The following SORCS1 variants were observed in gnomAD, a reference collection of about 807,000 sequenced individuals.
SORCS1 encodes sortilin related VPS10 domain containing receptor 1, also known as VPS10 domain-containing receptor SorCS1.
Under a neutral mutation model 146.1 loss-of-function variants are expected in SORCS1, and 60 were observed. The ratio of observed to expected loss-of-function variants is 0.41; its 90% confidence interval spans 0.33 to 0.51. The LOEUF is 0.51. Among genes scored for constraint, SORCS1 ranks in the 20% least tolerant of loss-of-function variants. The pLI, the probability that SORCS1 is intolerant of heterozygous loss-of-function variation, is 0.21. For synonymous variants in SORCS1, 637 were observed against 584.0 expected, an observed-to-expected ratio of 1.09 and a Z score of -1.31; for missense variants, 1,352 against 1,487.6, an observed-to-expected ratio of 0.91 and a Z score of 1.50.
the SORCS1 span, among the ~76,000 whole-genome samples, chr10:107,176,740 C>T: frequency 6.6e-6 from 1 of 152,120 alleles, no homozygotes; most frequent in African/African-American, 2.4e-5. Context: ...TTGAAACTTG[C>T]TTAATGGCCT....
chr10:107,139,149 A>T (rs958848264), intron 1 of SORCS1, among the ~76,000 whole-genome samples: 5 of 152,200 alleles, frequency 3.3e-5, no homozygotes, highest in African/African-American at 7.2e-5. Flanking sequence ...CTGATGAATT[A>T]AATTCCCATT....
intron 3 of SORCS1, among the ~76,000 whole-genome samples, chr10:106,781,440 A>T (rs1242737172): frequency 6.6e-6 from 1 of 152,166 alleles, no homozygotes; most frequent in Non-Finnish European, 1.5e-5. Flanking sequence ...TGCTTTACTC[A>T]GAGCTTAATT....
intron 6 of SORCS1, among the ~76,000 whole-genome samples, chr10:106,718,036 C>T (rs961372941): frequency 4.6e-5 from 7 of 152,278 alleles, no homozygotes; most frequent in African/African-American, 1.4e-4. Context: ...GAATTACTTT[C>T]GTCAGGGATG....
At chr10:106,863,150 A>G (rs2137464895) in intron 2 of SORCS1, among the ~76,000 whole-genome samples, 1 of 152,362 alleles carries the variant, frequency 6.6e-6, no homozygotes, top group Middle Eastern at 3.4e-3. Flanking sequence ...CTTCAGAATC[A>G]TACCCAGCTG....
At chr10:107,123,637 T>C (rs1032198720) in intron 1 of SORCS1, among the ~76,000 whole-genome samples, 18 of 152,222 alleles carry the variant, frequency 1.2e-4, no homozygotes, top group Non-Finnish European at 2.4e-4. Context: ...TGTAAGGATT[T>C]TCTTTTACCT....
rs566808589 is a variant in SORCS1 at position 107,045,087 on chromosome 10, C to A, written c.559-88507G>T. On this transcript the variant is annotated intron_variant, in intron 1 of 25. Coordinates refer to ENST00000263054, the MANE Select transcript of SORCS1 (RefSeq NM_052918.5). ...GTATCAGGCCTTGAGAGACCAGGAC[C>A]GTATTATGAAGGACCATCAATGCCA... 4.4e-4 allele frequency among the ~76,000 whole-genome samples: 67 copies of A among 152,142 alleles called. No individual in the cohort carries two copies. The South Asian group carries it at 0.01, about 24-fold the overall frequency.
intron 1 of SORCS1, among the ~76,000 whole-genome samples, chr10:107,025,878 A>G (rs554559766): frequency 6.6e-6 from 1 of 152,356 alleles, no homozygotes; most frequent in South Asian, 2.1e-4. Context: ...AGGACCAGCA[A>G]AGGGATTGCT....
At chr10:106,843,425 T>C (rs1949146478) in intron 2 of SORCS1, among the ~76,000 whole-genome samples, 1 of 116,686 alleles carries the variant, frequency 8.6e-6, no homozygotes, top group South Asian at 3.1e-4. Flanking sequence ...AAAGGCAGGA[T>C]TTCCTTTTTT....
At chr10:106,680,237 A>T (rs574007648) in intron 10 of SORCS1, among the ~76,000 whole-genome samples, 2 of 152,218 alleles carry the variant, frequency 1.3e-5, no homozygotes, top group South Asian at 4.1e-4. Context: ...AAGCCTGAGT[A>T]ACAGCAATAA....
At chr10:106,890,517 T>C (rs1266319929) in intron 2 of SORCS1, among the ~76,000 whole-genome samples, 2 of 152,158 alleles carry the variant, frequency 1.3e-5, no homozygotes, top group African/African-American at 4.8e-5. Context: ...GCGATGAGTA[T>C]GTAAAATCAG....
At chr10:107,063,173 A>G (rs1961398913) in intron 1 of SORCS1, among the ~76,000 whole-genome samples, 1 of 152,202 alleles carries the variant, frequency 6.6e-6, no homozygotes, top group Non-Finnish European at 1.5e-5. Flanking sequence ...GTAAATGGGT[A>G]TGGGTATGGG....
chr10:106,729,365 T>C (rs1856430703), intron 6 of SORCS1, among the ~76,000 whole-genome samples: 1 of 152,170 alleles, frequency 6.6e-6, no homozygotes, highest in South Asian at 2.1e-4. Context: ...TAAGAACTAC[T>C]GACAGGTGAG....
intron 2 of SORCS1, among the ~76,000 whole-genome samples, chr10:106,850,402 C>G (rs1309630939): frequency 6.6e-6 from 1 of 152,158 alleles, no homozygotes; most frequent in Non-Finnish European, 1.5e-5. Flanking sequence ...TCCCTGACCC[C>G]TTGCACTTCC....
intron 21 of SORCS1, among the ~76,000 whole-genome samples, chr10:106,616,342 G>A (rs1204004574): frequency 6.6e-6 from 1 of 152,134 alleles, no homozygotes; most frequent in African/African-American, 2.4e-5. Context: ...AAATAAATGA[G>A]AATCAGTTAA....
At chr10:106,587,845 T>TTG (rs1845334576) in intron 24 of SORCS1, among the ~76,000 whole-genome samples, 1 of 151,376 alleles carries the variant, frequency 6.6e-6, no homozygotes, top group Non-Finnish European at 1.5e-5. Context: ...GTATTTTTTT[T>TTG]GGGGGGGGTC....
intron 6 of SORCS1, among the ~76,000 whole-genome samples, chr10:106,729,769 T>C (rs958250758): frequency 6.6e-6 from 1 of 152,194 alleles, no homozygotes; most frequent in Non-Finnish European, 1.5e-5. Flanking sequence ...CTATTTTGTA[T>C]TACTGAAGAC....
chr10:106,698,993 T>C (rs1310770722), intron 9 of SORCS1, among the ~76,000 whole-genome samples: 5 of 152,216 alleles, frequency 3.3e-5, no homozygotes, highest in South Asian at 2.1e-4. Context: ...TCATGTCCTA[T>C]GGAGTTTGTC....
chr10:106,906,477 G>A (rs1465750431), intron 2 of SORCS1, among the ~76,000 whole-genome samples: 1 of 152,152 alleles, frequency 6.6e-6, no homozygotes, highest in Non-Finnish European at 1.5e-5. Flanking sequence ...TCAGAATCAC[G>A]GTGGGAGGTG....
At chr10:106,995,649 C>T (rs761144978) in intron 1 of SORCS1, among the ~76,000 whole-genome samples, 7 of 151,998 alleles carry the variant, frequency 4.6e-5, no homozygotes, top group Non-Finnish European at 8.8e-5. Context: ...TCTTTTCTTC[C>T]TAAGTTAGGG....
Sources: allele counts gnomAD v4.1 joint callset (sites outside exome capture counted in the v4.1 genomes callset), GRCh38; gene constraint gnomAD v4.1.1; transcripts MANE v1.5; gene names NCBI Gene and HGNC (gene_info 2026-07-23, HGNC 2026-07-21).